PAK3: variants seen among roughly 807,000 people sequenced by gnomAD.
The protein encoded by PAK3 is serine/threonine-protein kinase PAK 3.
In PAK3, 4 loss-of-function variants were observed where a neutral mutation model predicts 41.0. That is an observed-to-expected ratio of 0.10 (90% CI 0.05 to 0.22). The LOEUF (loss-of-function observed/expected upper bound fraction) is 0.22, where lower values mean the gene tolerates loss of function less well. PAK3 is among the 10% of genes least tolerant of loss of function. The probability of loss-of-function intolerance (pLI) is 1.00; values close to 1 mark genes in which losing one functional copy is unlikely to be tolerated. For missense variants in PAK3, 205 were observed against 409.9 expected, an observed-to-expected ratio of 0.50 and a Z score of 4.32; for synonymous variants, 146 against 139.6, an observed-to-expected ratio of 1.05 and a Z score of -0.32.
At chrX:111,211,983 C>T (rs1405310845) in intron 16 of PAK3, among the ~76,000 whole-genome samples, 1 of 111,811 alleles carries the variant, frequency 8.9e-6, no homozygotes, top group Non-Finnish European at 1.9e-5. Flanking sequence ...AGAAGCCCGA[C>T]TTTAAGCAAA....
chrX:111,136,180 A>G (rs12015072), intron 5 of PAK3, among the ~76,000 whole-genome samples: 8,185 of 111,847 alleles, frequency 0.073, 512 homozygotes, highest in African/African-American at 0.2. Context: ...AGGAGGGGGT[A>G]GAGCTGAAGT....
At chrX:111,041,823 A>G (rs1217689197) in intron 1 of PAK3, among the ~76,000 whole-genome samples, 1 of 111,717 alleles carries the variant, frequency 9.0e-6, no homozygotes, top group African/African-American at 3.3e-5. Context: ...ACTCAGTGGA[A>G]TTCCATTCTC....
At chrX:111,144,156 A>T (rs2093912202) in intron 6 of PAK3, among the ~76,000 whole-genome samples, 1 of 112,076 alleles carries the variant, frequency 8.9e-6, no homozygotes, top group Admixed American at 9.5e-5. Flanking sequence ...AAAGTGATGG[A>T]CTATCTTTCC....
At chrX:110,993,300 T>C (rs951903183) in intron 1 of PAK3, among the ~76,000 whole-genome samples, 1 of 111,671 alleles carries the variant, frequency 9.0e-6, no homozygotes, top group African/African-American at 3.3e-5. Flanking sequence ...ACTTCCCCTA[T>C]TTTGGCCTCA....
intron 1 of PAK3, among the ~76,000 whole-genome samples, chrX:111,075,170 A>C (rs2092774229): frequency 8.9e-6 from 1 of 112,957 alleles, no homozygotes; most frequent in South Asian, 3.7e-4. Context: ...GAATTCAAAC[A>C]GGCTGTGGAG....
At chrX:110,964,147 T>G (rs745480395) in intron 1 of PAK3, among the ~76,000 whole-genome samples, 61 of 112,114 alleles carry the variant, frequency 5.4e-4, no homozygotes, top group Non-Finnish European at 1.1e-3. Flanking sequence ...TTTTGCCCTT[T>G]TACAAATGAG....
intron 4 of PAK3, among the ~76,000 whole-genome samples, chrX:111,115,420 T>C (rs902284729): frequency 3.6e-5 from 4 of 111,648 alleles, no homozygotes; most frequent in African/African-American, 1.3e-4. Flanking sequence ...ATATGGGGAA[T>C]TCCTACAAGT....
intron 1 of PAK3, among the ~76,000 whole-genome samples, chrX:110,945,483 G>A (rs141670221): frequency 3.1e-3 from 348 of 111,839 alleles, no homozygotes; most frequent in Admixed American, 5.1e-3. Context: ...ACCAGATAGC[G>A]TTATTGTTCT....
chrX:110,985,010 T>C (rs1392923532), intron 1 of PAK3, among the ~76,000 whole-genome samples: 1 of 111,267 alleles, frequency 9.0e-6, no homozygotes, highest in African/African-American at 3.3e-5. Context: ...ACACCTGTAG[T>C]CCCACCTACT....
intron 8 of PAK3, among the ~76,000 whole-genome samples, chrX:111,153,993 A>G (rs1486690916): frequency 8.9e-6 from 1 of 112,074 alleles, no homozygotes; most frequent in Non-Finnish European, 1.9e-5. Flanking sequence ...ACACGTTACA[A>G]CATGGATGAA....
chrX:111,098,100 C>T (rs891747616), intron 3 of PAK3, among the ~76,000 whole-genome samples: 2 of 110,884 alleles, frequency 1.8e-5, no homozygotes, highest in African/African-American at 6.6e-5. Context: ...GACATTCTCA[C>T]CAGCTAACCA....
At chrX:111,010,566 G>A (rs1489475376) in intron 1 of PAK3, among the ~76,000 whole-genome samples, 1 of 111,596 alleles carries the variant, frequency 9.0e-6, no homozygotes, top group Non-Finnish European at 1.9e-5. Context: ...TTGGTGATGA[G>A]TGAGTTCTCA....
rs2094955941 is a variant in PAK3 at position 111,226,925 on chromosome X, G to A, written c.*6478G>A. 1 of 112,202 alleles carries A rather than the reference G, an allele frequency of 8.9e-6. No individual in the cohort carries two copies. Among genetic ancestry groups the A allele is most frequent in the South Asian group, 3.8e-4 (1 of 2,665 alleles). The allele number at this position is 112,202 out of a possible 1,213,427, so 9.2% of individuals were successfully genotyped here. A position where few individuals can be genotyped will look rare whatever the true frequency, so the allele number is the denominator to read the frequency against. On this transcript the variant is annotated 3_prime_UTR_variant, in exon 18 of 18. Transcript: ENST00000372007. ...ATCAGCCAGGAGGAGCCAGATCACA[G>A]GGTAGTGATGTCTACTGGGATTATA...
At chrX:111,210,489 T>C (rs1198399552) in intron 16 of PAK3, among the ~76,000 whole-genome samples, 1 of 111,567 alleles carries the variant, frequency 9.0e-6, no homozygotes, top group African/African-American at 3.3e-5. Flanking sequence ...GCCAGGCCTG[T>C]TCAGCTCAGA....
chrX:111,054,113 T>A (rs946644373), intron 1 of PAK3, among the ~76,000 whole-genome samples: 2 of 112,176 alleles, frequency 1.8e-5, no homozygotes, highest in Non-Finnish European at 3.8e-5. Flanking sequence ...CCCCTCTGCA[T>A]GTTGTGTCCA....
intron 1 of PAK3, among the ~76,000 whole-genome samples, chrX:110,972,768 G>C (rs2091238972): frequency 9.0e-6 from 1 of 111,517 alleles, no homozygotes; most frequent in African/African-American, 3.3e-5. Context: ...ACTTCTCCGA[G>C]CCAGAGGAGG....
chrX:110,991,191 G>C (rs146307743), intron 1 of PAK3, among the ~76,000 whole-genome samples: 1,200 of 111,283 alleles, frequency 0.011, 13 homozygotes, highest in African/African-American at 0.037. Flanking sequence ...GTGGGCACAG[G>C]TTTGGTTAAT....
At chrX:111,015,577 G>C (rs1280098411) in intron 1 of PAK3, among the ~76,000 whole-genome samples, 26 of 111,391 alleles carry the variant, frequency 2.3e-4, no homozygotes, top group Non-Finnish European at 1.3e-4. Flanking sequence ...AATGCACAAG[G>C]GTTCCAATTT....
rs756871885 is a variant in PAK3, at chrX:111,224,600, A to C, written c.*4153A>C. 7 of 112,726 alleles carry C rather than the reference A, an allele frequency of 6.2e-5. No individual in the cohort carries two copies. The South Asian group carries it at 2.6e-3, about 42-fold the overall frequency. The allele number at this position is 112,726 out of a possible 1,213,427, so 9.3% of individuals were successfully genotyped here. A position where few individuals can be genotyped will look rare whatever the true frequency, so the allele number is the denominator to read the frequency against. The stretch of plus-strand genomic sequence containing the variant: ...TGTAGGACTGTCTCTGCCTGTTGGC[A>C]TTCAGTTATAGTTCTGTTAATTTTG... On this transcript the variant is annotated 3_prime_UTR_variant, in exon 18 of 18. Transcript: ENST00000372007.
Sources: allele counts gnomAD v4.1 joint callset (sites outside exome capture counted in the v4.1 genomes callset), GRCh38; gene constraint gnomAD v4.1.1; transcripts MANE v1.5; gene names NCBI Gene and HGNC (gene_info 2026-07-23, HGNC 2026-07-21).